CCSER1: variants seen among roughly 807,000 people sequenced by gnomAD.
The protein encoded by CCSER1 is coiled-coil serine rich protein 1, also known as serine-rich coiled-coil domain-containing protein 1.
Under a neutral mutation model 82.0 loss-of-function variants are expected in CCSER1, and 41 were observed. That is an observed-to-expected ratio of 0.50 (90% CI 0.39 to 0.65). The LOEUF (loss-of-function observed/expected upper bound fraction) is 0.65. CCSER1 is among the 30% of genes least tolerant of loss of function. The probability of loss-of-function intolerance (pLI) is 0.00; values close to 1 mark genes in which losing one functional copy is unlikely to be tolerated. For synonymous variants in CCSER1, 414 were observed against 383.9 expected (o/e 1.08, Z -0.92); for missense variants, 1,119 against 1,064.2 (o/e 1.05, Z -0.72).
intron 1 of CCSER1, among the ~76,000 whole-genome samples, chr4:90,207,341 A>G (rs529025305): frequency 2.4e-4 from 37 of 152,216 alleles, no homozygotes; most frequent in African/African-American, 8.4e-4. Context: ...TTTCAGCTCC[A>G]TCAGGTCATT....
intron 10 of CCSER1, among the ~76,000 whole-genome samples, chr4:91,585,915 G>A (rs1233288893): frequency 6.6e-6 from 1 of 151,606 alleles, no homozygotes; most frequent in South Asian, 2.1e-4. Flanking sequence ...AAATAAGAAG[G>A]TCAATGGCAT....
At chr4:90,360,313 G>C (rs1043247201) in intron 3 of CCSER1, among the ~76,000 whole-genome samples, 117 of 149,466 alleles carry the variant, frequency 7.8e-4, no homozygotes, top group Non-Finnish European at 1.5e-3. Context: ...CGGATCACGA[G>C]GTCAGGAGAT....
intron 10 of CCSER1, among the ~76,000 whole-genome samples, chr4:91,439,849 A>G (rs1754986084): frequency 1.3e-5 from 2 of 152,210 alleles, no homozygotes; most frequent in African/African-American, 4.8e-5. Context: ...AAACCAACAA[A>G]GATCAAAAGA....
At chr4:90,383,094 G>T (rs1749469501) in intron 3 of CCSER1, among the ~76,000 whole-genome samples, 1 of 152,058 alleles carries the variant, frequency 6.6e-6, no homozygotes, top group African/African-American at 2.4e-5. Flanking sequence ...CACATGGGAA[G>T]AAATTAATGT....
At chr4:91,124,133 A>G (rs1727310572) in intron 10 of CCSER1, among the ~76,000 whole-genome samples, 1 of 151,544 alleles carries the variant, frequency 6.6e-6, no homozygotes. Context: ...AAATTAATGT[A>G]TTTTTCCCTG....
intron 10 of CCSER1, among the ~76,000 whole-genome samples, chr4:91,092,831 A>G (rs1377318755): frequency 6.6e-6 from 1 of 152,026 alleles, no homozygotes; most frequent in Non-Finnish European, 1.5e-5. Flanking sequence ...CCCGGTAAGG[A>G]GTAGATGCTG....
intron 9 of CCSER1, among the ~76,000 whole-genome samples, chr4:91,034,108 A>G (rs528958859): frequency 2.0e-5 from 3 of 152,298 alleles, no homozygotes; most frequent in East Asian, 3.9e-4. Context: ...TACTGTCTCA[A>G]TCATTTTAGG....
chr4:90,468,643 C>G (rs1289565947), intron 5 of CCSER1: 1 of 218,632 alleles, frequency 4.6e-6, no homozygotes, highest in African/African-American at 2.3e-5. Flanking sequence ...TGTGGGTACA[C>G]TGTTCTTGGA....
At chr4:90,435,709 T>A (rs1288407155) in intron 4 of CCSER1, among the ~76,000 whole-genome samples, 1 of 152,152 alleles carries the variant, frequency 6.6e-6, no homozygotes, top group East Asian at 1.9e-4. Context: ...GGCAGTATTT[T>A]AATTTAACTG....
At chr4:91,512,613 T>G (rs1433696278) in intron 10 of CCSER1, among the ~76,000 whole-genome samples, 1 of 152,156 alleles carries the variant, frequency 6.6e-6, no homozygotes, top group East Asian at 1.9e-4. Flanking sequence ...TAAACTCCCT[T>G]TTATATATAC....
At chr4:90,267,226 TG>T (rs144608338) in intron 1 of CCSER1, among the ~76,000 whole-genome samples, 7,327 of 151,826 alleles carry the variant, frequency 0.048, 471 homozygotes, top group African/African-American at 0.15. Context: ...CATGGGCCCT[TG>T]GTGGTAGTGG....
chr4:91,321,853 C>G (rs920960500), intron 10 of CCSER1, among the ~76,000 whole-genome samples: 1 of 152,050 alleles, frequency 6.6e-6, no homozygotes, highest in African/African-American at 2.4e-5. Context: ...ATATTTTACT[C>G]TCTTATCACA....
intron 9 of CCSER1, among the ~76,000 whole-genome samples, chr4:90,929,643 C>A (rs944446862): frequency 2.6e-5 from 4 of 152,014 alleles, no homozygotes; most frequent in African/African-American, 9.7e-5. Flanking sequence ...TGGTTGAGAT[C>A]GTTATGAGGA....
At chr4:90,162,495 G>C (rs535377716) in intron 1 of CCSER1, among the ~76,000 whole-genome samples, 3 of 151,878 alleles carry the variant, frequency 2.0e-5, no homozygotes, top group Admixed American at 2.0e-4. Flanking sequence ...AAAAGTTAAC[G>C]TAACATAATG....
intron 10 of CCSER1, among the ~76,000 whole-genome samples, chr4:91,149,401 G>A (rs1412098191): frequency 6.6e-6 from 1 of 152,160 alleles, no homozygotes; most frequent in Non-Finnish European, 1.5e-5. Flanking sequence ...TGGGTAGATT[G>A]CAAAAATTTT....
intron 3 of CCSER1, among the ~76,000 whole-genome samples, chr4:90,324,461 A>ATGTCTTCTTTTGAGAAG (rs1160997387): frequency 9.4e-5 from 14 of 148,778 alleles, no homozygotes; most frequent in African/African-American, 3.3e-4. Flanking sequence ...GGCTGCATAA[A>ATGTCTTCTTTTGAGAAG]TGTCTTCTTT....
At chr4:90,769,280 C>A (rs1270557600) in intron 7 of CCSER1, among the ~76,000 whole-genome samples, 1 of 152,094 alleles carries the variant, frequency 6.6e-6, no homozygotes, top group Non-Finnish European at 1.5e-5. Context: ...CCATGAAGTT[C>A]TTAAGTTATA....
Position 91,603,596 on chromosome 4 carries a change from C to G in CCSER1, c.*4539C>G, listed in dbSNP as rs1209092901. On this transcript the variant is annotated 3_prime_UTR_variant, in exon 11 of 11. Coordinates refer to ENST00000509176, the MANE Select transcript of CCSER1 (RefSeq NM_001145065.2). ...TCTTTTTAGAGCATTTTCAGTGTAG[C>G]CTCATTAACTTCTCCAATTTAATAC... is the stretch of plus-strand genomic sequence containing the variant. The G allele has an allele frequency of 6.6e-6, 1 of 152,058 alleles. No homozygotes were observed. The highest frequency in any genetic ancestry group is 1.5e-5 in the Non-Finnish European group (1 of 67,990). 9.4% of individuals were successfully genotyped at this position (152,058 alleles called of 1,614,324 possible). A position where few individuals can be genotyped will look rare whatever the true frequency, so the allele number is the denominator to read the frequency against.
intron 8 of CCSER1, among the ~76,000 whole-genome samples, chr4:90,888,053 A>G (rs1375797824): frequency 6.6e-6 from 1 of 152,208 alleles, no homozygotes; most frequent in Non-Finnish European, 1.5e-5. Context: ...ATAAGTTATA[A>G]TTAAATTGAG....
Sources: gnomAD v4.1 joint callset for allele counts (sites outside exome capture counted in the v4.1 genomes callset) on GRCh38, gnomAD v4.1.1 for gene constraint, MANE v1.5 for transcripts, NCBI Gene and HGNC (gene_info 2026-07-23, HGNC 2026-07-21) for gene names.